The following ADGRA2 variants were observed in gnomAD, a reference collection of about 807,000 sequenced individuals.
The protein encoded by ADGRA2 is G-protein coupled receptor 124.
A neutral mutation model predicts 98.7 loss-of-function variants in ADGRA2; 61 were observed. That is an observed-to-expected ratio of 0.62 (90% CI 0.50 to 0.76). The LOEUF is 0.76. Among genes scored for constraint, ADGRA2 ranks in the 30% least tolerant of loss-of-function variants. The pLI is 0.00. For synonymous variants in ADGRA2, 858 were observed against 831.5 expected (o/e 1.03, Z -0.55); for missense variants, 1,712 against 1,860.0 (o/e 0.92, Z 1.46).
rs758733630 is a variant in ADGRA2 at position 37,837,913 on chromosome 8, C to T, written c.2233C>T (p.His745Tyr). 4.8e-6 allele frequency: 7 copies of T among 1,467,898 alleles called. No homozygotes were observed. In the South Asian group the frequency reaches 1.0e-4, roughly 21 times the overall value. 90.9% of individuals were successfully genotyped at this position (1,467,898 alleles called of 1,614,324 possible). A position where few individuals can be genotyped will look rare whatever the true frequency, so the allele number is the denominator to read the frequency against. The change falls in exon 14 of 19, where the codon CAC becomes TAC. Residue 745 changes from histidine (H) to tyrosine (Y), a missense_variant. His to Tyr is a moderately conservative substitution (Grantham distance 83, BLOSUM62 2). Transcript: ENST00000412232. ...CAATGTCAGCGCCCTGCACTGCCAG[C>T]ACTTGGGCAATGTGGCCGTGCTCAT... Reference protein sequence around the residue: ...QPNVSALHCQHLGNVAVLMEL... With the variant: ...QPNVSALHCQYLGNVAVLMEL...
intron 2 of ADGRA2, among the ~76,000 whole-genome samples, chr8:37,818,074 G>A (rs1290385242): frequency 6.6e-6 from 1 of 152,146 alleles, no homozygotes; most frequent in Non-Finnish European, 1.5e-5. Context: ...CAACAAAGAG[G>A]GAAAGCAGCT....
At chr8:37,836,250 AGCCACAGGAGAGGTTCCAG>A (rs1408620459) in intron 13 of ADGRA2, among the ~76,000 whole-genome samples, 50 of 152,198 alleles carry the variant, frequency 3.3e-4, no homozygotes, top group African/African-American at 1.2e-3. Context: ...CTCCCAGGGC[AGCCACAGGAGAGGTTCCAG>A]GCAGCTGCTG....
chr8:37,837,267 G>A (rs978358012), intron 13 of ADGRA2, among the ~76,000 whole-genome samples: 1 of 152,160 alleles, frequency 6.6e-6, no homozygotes, highest in Admixed American at 6.5e-5. Context: ...GGGTTGAGGC[G>A]GGTGGGTGAG....
rs1338277223 is a variant in ADGRA2, at chr8:37,843,542, G to C, written c.*1187G>C. The C allele has an allele frequency of 6.6e-6, 1 of 152,208 alleles. No homozygotes were observed. Among genetic ancestry groups the C allele is most frequent in the African/African-American group, 2.4e-5 (1 of 41,416 alleles). The allele number at this position is 152,208 out of a possible 1,614,324, so 9.4% of individuals were successfully genotyped here. A position where few individuals can be genotyped will look rare whatever the true frequency, so the allele number is the denominator to read the frequency against. On this transcript the variant is annotated 3_prime_UTR_variant, in exon 19 of 19. Coordinates refer to ENST00000412232, the MANE Select transcript of ADGRA2 (RefSeq NM_032777.10). ...ACCAACCACCAGCATTTCACTACAG[G>C]ACCAAATGGAAACCGAGGGAACCCT...
chr8:37,828,855 G>A (rs1313098623), intron 2 of ADGRA2, 33 bp from the exon 3 acceptor site: 2 of 1,567,910 alleles, frequency 1.3e-6, no homozygotes, highest in African/African-American at 1.4e-5. Context: ...CCAGCGGGGA[G>A]AGGTGTGAGG....
At chr8:37,799,623 G>A (rs1804440018) in intron 1 of ADGRA2, among the ~76,000 whole-genome samples, 1 of 152,146 alleles carries the variant, frequency 6.6e-6, no homozygotes, top group African/African-American at 2.4e-5. Flanking sequence ...GAGAGAGCTG[G>A]GCCAGCTCTT....
chr8:37,821,225 T>C (rs144793776), intron 2 of ADGRA2, among the ~76,000 whole-genome samples: 2 of 152,218 alleles, frequency 1.3e-5, no homozygotes, highest in East Asian at 3.9e-4. Context: ...TTCCAGTGCC[T>C]CTCCCAGCCC....
intron 2 of ADGRA2, among the ~76,000 whole-genome samples, chr8:37,822,418 C>CACACACAG (rs1330099159): frequency 0.15 from 21,429 of 145,918 alleles, 1,884 homozygotes; most frequent in Middle Eastern, 0.27. Context: ...CAGTCACATG[C>CACACACAG]TCTTTAACTC....
At position 37,841,794 on chromosome 8, in the gene ADGRA2, G is replaced by C. The variant is rs1309850236; in HGVS notation, c.3456G>C (p.Ala1152=). The C allele has an allele frequency of 6.5e-7, 1 of 1,531,612 alleles. No homozygotes were observed. Among genetic ancestry groups the C allele is most frequent in the Non-Finnish European group, 8.7e-7 (1 of 1,143,822 alleles). 94.9% of individuals were successfully genotyped at this position (1,531,612 alleles called of 1,614,324 possible). A position where few individuals can be genotyped will look rare whatever the true frequency, so the allele number is the denominator to read the frequency against. The change falls in exon 19 of 19, where the codon GCG becomes GCC. Residue 1152 remains alanine, a synonymous_variant. Transcript: ENST00000412232. This position sits in a 1 kb window ranked among gnomAD's most constrained non-coding sequence, Gnocchi z 5.0. ...GTCAGGTGTGCGAGGCGGGGGCGGC[G>C]GCCGGCGGGGAAGGAGAGCCGGAGC... ...AQSQVCEAGA[A]AGGEGEPEPA...
At chr8:37,818,327 T>A (rs897055156) in intron 2 of ADGRA2, among the ~76,000 whole-genome samples, 1 of 152,158 alleles carries the variant, frequency 6.6e-6, no homozygotes, top group Non-Finnish European at 1.5e-5. Flanking sequence ...CACTGACCTC[T>A]CCCCTACTTC....
At chr8:37,826,154 G>A (rs895119746) in intron 2 of ADGRA2, among the ~76,000 whole-genome samples, 1 of 152,184 alleles carries the variant, frequency 6.6e-6, no homozygotes, top group Admixed American at 6.5e-5. Flanking sequence ...CTGCGCCTAA[G>A]CCCCTTGGCA....
At chr8:37,836,087 ACACACACACAC>A (rs1563351739) in intron 13 of ADGRA2, among the ~76,000 whole-genome samples, 1 of 116,606 alleles carries the variant, frequency 8.6e-6, no homozygotes, top group African/African-American at 3.6e-5. Context: ...ACACACACAC[ACACACACACAC>A]CCCACAGGCC....
rs527994306 is a variant in ADGRA2 at position 37,834,717 on chromosome 8, C to T, written c.1609-457C>T. On this transcript the variant is annotated intron_variant, in intron 11 of 18. Coordinates refer to ENST00000412232, the MANE Select transcript of ADGRA2 (RefSeq NM_032777.10). This position sits in a 1 kb window ranked among gnomAD's most constrained non-coding sequence, Gnocchi z 4.2. ...GAGACCAGCCTGGGCAACAGAGAGA[C>T]CTGGTCTCCACAAAAAATACAAAAA... 3.9e-5 allele frequency among the ~76,000 whole-genome samples: 6 copies of T among 152,086 alleles called. No individual in the cohort carries two copies. The East Asian group carries it at 1.2e-3, about 30-fold the overall frequency.
chr8:37,833,056 C>T lies in ADGRA2; in HGVS notation c.1144C>T (p.Gln382Ter). ...AGITAYQSCL[Q>*]YPFTSVPLGG... The stretch of plus-strand genomic sequence containing the variant: ...CATCACAGCCTACCAGTCCTGCCTG[C>T]AGTATCCCTTCACCTCAGTGCCCCT... Residue 382 changes from glutamine to a stop codon, truncating the protein, a stop_gained, in exon 9 of 19, where the codon CAG (glutamine) becomes TAG (stop). Transcript: ENST00000412232. LOFTEE classifies it high-confidence loss of function. The T allele has an allele frequency of 6.2e-7, 1 of 1,613,472 alleles. No homozygotes were observed.
intron 1 of ADGRA2, among the ~76,000 whole-genome samples, chr8:37,801,811 G>A (rs1030190340): frequency 4.6e-5 from 7 of 152,188 alleles, no homozygotes; most frequent in Non-Finnish European, 1.0e-4. Context: ...TGCCAGGTGA[G>A]GGCCTCGCTG....
In ADGRA2 at chr8:37,840,215, C is replaced by T. The variant is rs1240840102; in HGVS notation, c.2606C>T (p.Pro869Leu). The change falls in exon 17 of 19, where the codon CCC (proline) becomes CTC (leucine). Residue 869 changes from proline (P) to leucine (L), a missense_variant. Transcript: ENST00000412232. ...CATAAGGAGCTCACCTGGAGGGCAC[C>T]CCCTCCGCAAGAAGGGGACCCCGCT... ...VLHKELTWRAPPPQEGDPALP... is the reference protein window; with the variant it reads ...VLHKELTWRALPPQEGDPALP... 1 of 1,612,716 alleles carries T rather than the reference C, an allele frequency of 6.2e-7. No individual in the cohort carries two copies. Among genetic ancestry groups the T allele is most frequent in the Non-Finnish European group, 8.5e-7 (1 of 1,179,726 alleles).
intron 2 of ADGRA2, among the ~76,000 whole-genome samples, chr8:37,816,630 A>G (rs934089036): frequency 6.8e-6 from 1 of 146,790 alleles, no homozygotes; most frequent in Non-Finnish European, 1.5e-5. Context: ...ACACACACAC[A>G]CACACGGCTG....
In ADGRA2 at chr8:37,841,146, G is replaced by C; in HGVS notation, c.2808G>C (p.Leu936=). The C allele has an allele frequency of 6.2e-7, 1 of 1,612,030 alleles. No individual in the cohort carries two copies. The highest frequency in any genetic ancestry group is 8.5e-7 in the Non-Finnish European group (1 of 1,179,794). The stretch of plus-strand genomic sequence containing the variant: ...TCTACATCCCTGTGGCTTTGATTCT[G>C]CTCATCACCTGGATCTATTTCCTGT... ...GAFYIPVALI[L]LITWIYFLCA... Residue 936 remains leucine, a synonymous_variant, in exon 19 of 19, where the codon CTG becomes CTC. Transcript: ENST00000412232. The surrounding 1 kb of genome is among the most constrained non-coding windows in gnomAD (Gnocchi z 5.0).
At chr8:37,827,452 G>A (rs551134689) in intron 2 of ADGRA2, among the ~76,000 whole-genome samples, 1 of 152,350 alleles carries the variant, frequency 6.6e-6, no homozygotes, top group African/African-American at 2.4e-5. Flanking sequence ...GCAGCCCCAG[G>A]GGCAGGTGAG....
Sources: allele counts gnomAD v4.1 joint callset (sites outside exome capture counted in the v4.1 genomes callset), GRCh38; gene constraint gnomAD v4.1.1; non-coding constraint Gnocchi (gnomAD v3.1); transcripts MANE v1.5; gene names NCBI Gene and HGNC (gene_info 2026-07-23, HGNC 2026-07-21).